JMJD1C: variants seen among roughly 807,000 people sequenced by gnomAD.
JMJD1C encodes jumonji domain containing 1C, also known as jumonji domain-containing protein 1C.
A neutral mutation model predicts 245.3 loss-of-function variants in JMJD1C; 31 were observed. That is an observed-to-expected ratio of 0.13 (90% CI 0.09 to 0.17). The LOEUF (loss-of-function observed/expected upper bound fraction) is 0.17. JMJD1C is among the 10% of genes least tolerant of loss of function. The pLI, the probability that JMJD1C is intolerant of heterozygous loss-of-function variation, is 1.00. For missense variants in JMJD1C, 2,691 were observed against 3,000.2 expected, an observed-to-expected ratio of 0.90 and a Z score of 2.41; for synonymous variants, 1,057 against 1,017.4, an observed-to-expected ratio of 1.04 and a Z score of -0.74.
intron 1 of JMJD1C, among the ~76,000 whole-genome samples, chr10:63,486,935 T>A (rs1365614339): frequency 6.6e-6 from 1 of 152,176 alleles, no homozygotes. Flanking sequence ...ATGATACGGA[T>A]GAATAAAGTG....
At chr10:63,259,704 A>G (rs1854452447) in intron 3 of JMJD1C, among the ~76,000 whole-genome samples, 2 of 152,238 alleles carry the variant, frequency 1.3e-5, no homozygotes, top group South Asian at 2.1e-4. Context: ...TCTCTGGTTA[A>G]GTCTTTAAGC....
At chr10:63,315,678 A>G (rs558552726) in intron 2 of JMJD1C, among the ~76,000 whole-genome samples, 1 of 152,024 alleles carries the variant, frequency 6.6e-6, no homozygotes, top group African/African-American at 2.4e-5. Flanking sequence ...TGTCTCTACT[A>G]AAAATACAAA....
At chr10:63,246,688 C>CA (rs1223910203) in intron 3 of JMJD1C, among the ~76,000 whole-genome samples, 1 of 151,826 alleles carries the variant, frequency 6.6e-6, no homozygotes, top group African/African-American at 2.4e-5. Context: ...ACAGACAATA[C>CA]AATGCCATGA....
chr10:63,289,358 C>G (rs1436368600), intron 2 of JMJD1C, among the ~76,000 whole-genome samples: 2 of 152,086 alleles, frequency 1.3e-5, no homozygotes, highest in African/African-American at 4.8e-5. Flanking sequence ...AAGTTACTTT[C>G]TAATGATTCA....
rs137927666 is a variant in JMJD1C, at chr10:63,227,791, G to A, written c.448-7808C>T. ...GAACATGTTTTGCCATACCAGTTTC[G>A]CCAGTCATAAATTCATGGTTTAGCA... On this transcript the variant is annotated intron_variant, in intron 3 of 25. Coordinates refer to ENST00000399262, the MANE Select transcript of JMJD1C (RefSeq NM_032776.3). 5.3e-5 allele frequency among the ~76,000 whole-genome samples: 8 copies of A among 152,150 alleles called. No homozygotes were observed. In the East Asian group the frequency reaches 1.4e-3, roughly 26 times the overall value.
intron 1 of JMJD1C, among the ~76,000 whole-genome samples, chr10:63,387,809 G>A (rs992830429): frequency 6.6e-6 from 1 of 151,194 alleles, no homozygotes; most frequent in Non-Finnish European, 1.5e-5. Context: ...CTAATTTTTT[G>A]TATTTTTAGT....
chr10:63,451,949 T>C (rs777580304), intron 1 of JMJD1C, among the ~76,000 whole-genome samples: 1 of 152,098 alleles, frequency 6.6e-6, no homozygotes, highest in African/African-American at 2.4e-5. Context: ...TAAAAATGGA[T>C]AGAAGAACTA....
chr10:63,403,401 C>T (rs1948979995), intron 1 of JMJD1C, among the ~76,000 whole-genome samples: 1 of 152,098 alleles, frequency 6.6e-6, no homozygotes, highest in Admixed American at 6.5e-5. Flanking sequence ...GATCAAGTTA[C>T]ATAGGTAATA....
chr10:63,420,791 C>A lies in JMJD1C; in HGVS notation c.169-40309G>T, dbSNP rs888734909. ...ACACCTGACAAAATTAGAAAGAGAA[C>A]TGCAAAACAGACAAACTCTAAGAAA... On this transcript the variant is annotated intron_variant, in intron 1 of 25. Transcript: ENST00000399262. Among the ~76,000 whole-genome samples the A allele has an allele frequency of 4.1e-5, 6 of 147,406 alleles. No homozygotes were observed. In the East Asian group the frequency reaches 1.2e-3, roughly 29 times the overall value.
intron 2 of JMJD1C, among the ~76,000 whole-genome samples, chr10:63,300,664 G>A (rs1257282575): frequency 2.0e-5 from 3 of 151,398 alleles, no homozygotes; most frequent in Non-Finnish European, 4.4e-5. Context: ...GGCCAAGGCG[G>A]TAGATCTCAT....
chr10:63,253,963 A>G (rs1460570366), intron 3 of JMJD1C, among the ~76,000 whole-genome samples: 1 of 152,194 alleles, frequency 6.6e-6, no homozygotes, highest in African/African-American at 2.4e-5. Flanking sequence ...TTCTGAACAT[A>G]ACAAACCTGG....
At chr10:63,504,206 A>G (rs1177376724) in intron 1 of JMJD1C, among the ~76,000 whole-genome samples, 1 of 152,238 alleles carries the variant, frequency 6.6e-6, no homozygotes, top group African/African-American at 2.4e-5. Flanking sequence ...TATAGGAGAT[A>G]TATAGGTACT....
intron 2 of JMJD1C, among the ~76,000 whole-genome samples, chr10:63,354,447 T>C (rs1331408754): frequency 6.6e-6 from 1 of 152,190 alleles, no homozygotes; most frequent in East Asian, 1.9e-4. Flanking sequence ...TAATCATTTC[T>C]TCATTTTAAC....
At chr10:63,295,985 G>T (rs1187866863) in intron 2 of JMJD1C, among the ~76,000 whole-genome samples, 1 of 32,924 alleles carries the variant, frequency 3.0e-5, no homozygotes, top group Non-Finnish European at 6.5e-5. Flanking sequence ...GTGTGTGTGT[G>T]TGTGTGTGTG....
chr10:63,394,287 G>C (rs181128499), intron 1 of JMJD1C, among the ~76,000 whole-genome samples: 2 of 150,950 alleles, frequency 1.3e-5, no homozygotes, highest in Non-Finnish European at 2.9e-5. Flanking sequence ...GATCCAAACA[G>C]AACTGACAAT....
intron 1 of JMJD1C, among the ~76,000 whole-genome samples, chr10:63,519,636 T>C (rs1490179844): frequency 1.3e-5 from 2 of 152,218 alleles, no homozygotes; most frequent in Non-Finnish European, 2.9e-5. Flanking sequence ...TTAGGAATAA[T>C]TGTCCCTGAG....
chr10:63,238,974 T>C (rs1851135754), intron 3 of JMJD1C, among the ~76,000 whole-genome samples: 1 of 152,180 alleles, frequency 6.6e-6, no homozygotes, highest in Non-Finnish European at 1.5e-5. Context: ...AGTATCTTTG[T>C]ATCCTCTAGG....
chr10:63,367,687 C>T (rs1945970818), intron 2 of JMJD1C, among the ~76,000 whole-genome samples: 2 of 152,124 alleles, frequency 1.3e-5, no homozygotes, highest in Non-Finnish European at 2.9e-5. Context: ...GCTGGGGACC[C>T]AGAGTCAAAT....
chr10:63,382,097 G>C (rs1947264477), intron 1 of JMJD1C, among the ~76,000 whole-genome samples: 1 of 152,110 alleles, frequency 6.6e-6, no homozygotes, highest in Non-Finnish European at 1.5e-5. Context: ...TGTAGTCCCA[G>C]CTACTCAGGA....
Sources: gnomAD v4.1 joint callset for allele counts (sites outside exome capture counted in the v4.1 genomes callset) on GRCh38, gnomAD v4.1.1 for gene constraint, MANE v1.5 for transcripts, NCBI Gene and HGNC (gene_info 2026-07-23, HGNC 2026-07-21) for gene names.